TBC1D2B: variants seen among roughly 807,000 people sequenced by gnomAD.
TBC1D2B encodes the protein TBC1 domain family, member 2B.
TBC1D2B carries 64 observed loss-of-function variants against 100.8 expected under a neutral mutation model. The observed-to-expected ratio is 0.64, with a 90% CI of 0.52 to 0.78. The LOEUF (loss-of-function observed/expected upper bound fraction) is 0.78. Among genes scored for constraint, TBC1D2B ranks in the 30% least tolerant of loss-of-function variants. TBC1D2B has a pLI of 0.00. For synonymous variants in TBC1D2B, 480 were observed against 479.7 expected, an observed-to-expected ratio of 1.00 and a Z score of -0.01; for missense variants, 1,052 against 1,218.4, an observed-to-expected ratio of 0.86 and a Z score of 2.03.
chr15:78,006,998 G>A (rs2072084345), intron 10 of TBC1D2B, among the ~76,000 whole-genome samples: 1 of 152,260 alleles, frequency 6.6e-6, no homozygotes, highest in African/African-American at 2.4e-5. Flanking sequence ...CTGCACCCGA[G>A]CAGCGGGAAC....
intron 3 of TBC1D2B, among the ~76,000 whole-genome samples, chr15:78,036,185 G>A (rs560679150): frequency 1.3e-5 from 2 of 152,352 alleles, no homozygotes; most frequent in South Asian, 4.1e-4. Flanking sequence ...CTTCTGGGAA[G>A]TGGACTTAAA....
chr15:78,055,180 G>A (rs1168663632), intron 1 of TBC1D2B, among the ~76,000 whole-genome samples: 2 of 152,120 alleles, frequency 1.3e-5, no homozygotes, highest in Non-Finnish European at 2.9e-5. Flanking sequence ...GAGGGGAGCA[G>A]CTGACTACAA....
chr15:78,030,048 A>C lies in TBC1D2B; in HGVS notation c.806T>G (p.Val269Gly). 1 of 1,613,556 alleles carries C rather than the reference A, an allele frequency of 6.2e-7. No individual in the cohort carries two copies. Among genetic ancestry groups the C allele is most frequent in the Non-Finnish European group, 8.5e-7 (1 of 1,179,676 alleles). The change falls in exon 4 of 13, where the codon GTA (valine) becomes GGA (glycine). Residue 269 changes from valine to glycine, a missense_variant. This residue lies in a region of TBC1D2B where 627 missense variants were observed against 646.1 expected (regional missense o/e 0.97). Transcript: ENST00000300584. Reference protein sequence around the residue: ...PTPKDLEESIVQEEKKKLTPE... With the variant: ...PTPKDLEESIGQEEKKKLTPE... ...GGTCAGCTTCTTCTTTTCTTCCTGT[A>C]CTATGGACTCCTCTAGGTCCTTAGG...
chr15:78,052,334 C>G (rs1346320094), intron 2 of TBC1D2B, among the ~76,000 whole-genome samples: 1 of 152,168 alleles, frequency 6.6e-6, no homozygotes, highest in Non-Finnish European at 1.5e-5. Flanking sequence ...ATGCACCCTT[C>G]CCTCACATTT....
chr15:78,031,441 C>T (rs531360109), intron 3 of TBC1D2B, among the ~76,000 whole-genome samples: 7 of 150,732 alleles, frequency 4.6e-5, no homozygotes, highest in African/African-American at 1.7e-4. Flanking sequence ...GTAGTCCCAG[C>T]TACTCGGGAG....
At chr15:78,019,751 A>G (rs565389045) in intron 6 of TBC1D2B, among the ~76,000 whole-genome samples, 1 of 151,984 alleles carries the variant, frequency 6.6e-6, no homozygotes, top group East Asian at 2.0e-4. Context: ...ATTTAGCCAG[A>G]CGTGATAGCG....
chr15:78,044,062 A>G (rs946769728), intron 3 of TBC1D2B, among the ~76,000 whole-genome samples: 3 of 151,012 alleles, frequency 2.0e-5, no homozygotes, highest in African/African-American at 4.9e-5. Context: ...ACAAATTCAT[A>G]GAGATAGAAA....
Position 77,995,578 on chromosome 15 carries a change from C to A in TBC1D2B, c.*2582G>T, listed in dbSNP as rs2071729538. ...GTTATATAAAATAGATATGTGGAAT[C>A]TAGAAACACCTTGAGAAAATAGCCT... On this transcript the variant is annotated 3_prime_UTR_variant, in exon 13 of 13. Coordinates refer to ENST00000300584, the MANE Select transcript of TBC1D2B (RefSeq NM_144572.2). 1 of 152,318 alleles carries A rather than the reference C, an allele frequency of 6.6e-6. No homozygotes were observed. Among genetic ancestry groups the A allele is most frequent in the Non-Finnish European group, 1.5e-5 (1 of 68,012 alleles). 9.4% of individuals were successfully genotyped at this position (152,318 alleles called of 1,614,324 possible).
At position 78,039,374 on chromosome 15, in the gene TBC1D2B, G is replaced by A. The variant is rs974951940; in HGVS notation, c.683+5526C>T. Among the ~76,000 whole-genome samples, 4 of 152,122 alleles carry A rather than the reference G, an allele frequency of 2.6e-5. No homozygotes were observed. The East Asian group carries it at 5.8e-4, about 22-fold the overall frequency. ...CCATAATAGATTCTTGGGAACCCCC[G>A]CCATGCTCACAAATAACTCTTTCTA... On this transcript the variant is annotated intron_variant, in intron 3 of 12. Transcript: ENST00000300584.
chr15:78,038,023 G>A (rs1044090347), intron 3 of TBC1D2B, among the ~76,000 whole-genome samples: 4 of 152,132 alleles, frequency 2.6e-5, no homozygotes, highest in African/African-American at 9.7e-5. Flanking sequence ...ACAAGGGCAG[G>A]TGGGTGTGGG....
At chr15:78,048,761 C>T (rs1206026203) in intron 2 of TBC1D2B, among the ~76,000 whole-genome samples, 1 of 152,218 alleles carries the variant, frequency 6.6e-6, no homozygotes, top group East Asian at 1.9e-4. Flanking sequence ...TGGGACTCCC[C>T]GCACAGGGGC....
At chr15:78,018,389 C>A (rs540528582) in intron 6 of TBC1D2B, among the ~76,000 whole-genome samples, 1 of 152,116 alleles carries the variant, frequency 6.6e-6, no homozygotes, top group Admixed American at 6.5e-5. Flanking sequence ...ATCCAGTTTA[C>A]GTAAAAAAAG....
At chr15:78,046,638 A>AT (rs563560683) in intron 2 of TBC1D2B, among the ~76,000 whole-genome samples, 37 of 148,882 alleles carry the variant, frequency 2.5e-4, no homozygotes, top group Admixed American at 1.0e-3. Context: ...TAATTTTTGT[A>AT]TTTTTTTTTT....
intron 6 of TBC1D2B, among the ~76,000 whole-genome samples, chr15:78,019,455 C>T (rs553509405): frequency 2.2e-4 from 34 of 152,264 alleles, no homozygotes; most frequent in African/African-American, 7.5e-4. Flanking sequence ...ACTAGAACTT[C>T]GATAGGCATC....
At chr15:78,054,841 C>T (rs1355467755) in intron 1 of TBC1D2B, among the ~76,000 whole-genome samples, 2 of 152,070 alleles carry the variant, frequency 1.3e-5, no homozygotes, top group South Asian at 4.2e-4. Context: ...CCTACATATC[C>T]ACCCAAGAGG....
chr15:78,074,181 C>T (rs1053047345), intron 1 of TBC1D2B, among the ~76,000 whole-genome samples: 1 of 151,824 alleles, frequency 6.6e-6, no homozygotes, highest in African/African-American at 2.4e-5. Flanking sequence ...CGCCACCATG[C>T]CCAGCCAATT....
intron 1 of TBC1D2B, among the ~76,000 whole-genome samples, chr15:78,059,886 C>G (rs2073507786): frequency 6.6e-6 from 1 of 152,184 alleles, no homozygotes. Flanking sequence ...GCAGGAAGTA[C>G]ATGATTGTGA....
chr15:78,010,816 G>A (rs2072203646), intron 9 of TBC1D2B, among the ~76,000 whole-genome samples: 1 of 152,168 alleles, frequency 6.6e-6, no homozygotes, highest in Admixed American at 6.5e-5. Flanking sequence ...CAAATACTGT[G>A]AAGAAAAAAA....
In TBC1D2B at chr15:78,001,740, C is replaced by T; in HGVS notation, c.2575G>A (p.Val859Ile). ...WDSFLYEGPKVIFRFALALFK... is the reference protein window; with the variant it reads ...WDSFLYEGPKIIFRFALALFK... ...AGTGCCAGAGCAAAACGGAAAATAACCTGTGGAATAAACAGGGAAATCTGT... is the reference window on the plus strand; with the variant it reads ...AGTGCCAGAGCAAAACGGAAAATAATCTGTGGAATAAACAGGGAAATCTGT... The change falls in exon 12 of 13, where the codon GTT becomes ATT. Residue 859 changes from valine (V) to isoleucine (I), a missense_variant and splice_region_variant. Coordinates refer to ENST00000300584, the MANE Select transcript of TBC1D2B (RefSeq NM_144572.2). 1.2e-6 allele frequency: 2 copies of T among 1,604,590 alleles called. No homozygotes were observed. Among genetic ancestry groups the T allele is most frequent in the South Asian group, 2.2e-5 (2 of 89,152 alleles).
Sources: allele counts gnomAD v4.1 joint callset (sites outside exome capture counted in the v4.1 genomes callset), GRCh38; gene constraint gnomAD v4.1.1; regional missense constraint gnomAD v4.1.1; transcripts MANE v1.5; gene names NCBI Gene and HGNC (gene_info 2026-07-23, HGNC 2026-07-21).